C12orf56: variants seen among roughly 807,000 people sequenced by gnomAD.
C12orf56 encodes the protein chromosome 12 open reading frame 56, also known as uncharacterized protein C12orf56.
In C12orf56, 71 loss-of-function variants were observed where a neutral mutation model predicts 69.9. That is an observed-to-expected ratio of 1.02 (90% CI 0.84 to 1.24). C12orf56 has a LOEUF of 1.24. Among genes scored for constraint, C12orf56 ranks in the 50% most tolerant of loss-of-function variants. The pLI is 0.00. For missense variants in C12orf56, 732 were observed against 738.5 expected, an observed-to-expected ratio of 0.99 and a Z score of 0.10; for synonymous variants, 276 against 274.1, an observed-to-expected ratio of 1.01 and a Z score of -0.07.
intron 12 of C12orf56, among the ~76,000 whole-genome samples, chr12:64,269,133 C>T (rs949028855): frequency 1.1e-3 from 43 of 37,896 alleles, no homozygotes; most frequent in African/African-American, 3.8e-3. Flanking sequence ...GAGTGAGACC[C>T]TGTGTCAAAA....
chr12:64,318,768 T>A lies in C12orf56; in HGVS notation c.701A>T (p.Asn234Ile). The A allele has an allele frequency of 6.5e-7, 1 of 1,536,960 alleles. No homozygotes were observed. The highest frequency in any genetic ancestry group is 8.7e-7 in the Non-Finnish European group (1 of 1,146,850). Residue 234 changes from asparagine (N) to isoleucine (I), a missense_variant, in exon 4 of 13, where the codon AAC (asparagine) becomes ATC (isoleucine). Physicochemically the swap from Asn to Ile is moderately radical, Grantham distance 149. Coordinates refer to ENST00000543942, the MANE Select transcript of C12orf56 (RefSeq NM_001170633.2). ...CTTGAAAGGAATTTCACTTATGGAG[T>A]TGTGATCTGGAAGTCCCTGGGGTTC... ...TKEPQGLPDH[N>I]SISEIPFKCN... is the part of the protein sequence containing the mutation.
intron 10 of C12orf56, 118 bp downstream of exon 10, chr12:64,275,180 T>C (rs1592410260): frequency 2.8e-6 from 2 of 703,742 alleles, no homozygotes; most frequent in Admixed American, 3.3e-5. Context: ...ACAAGCATTT[T>C]TGATATATTA....
At chr12:64,346,915 A>G (rs1454727483) in intron 2 of C12orf56, among the ~76,000 whole-genome samples, 1 of 152,190 alleles carries the variant, frequency 6.6e-6, no homozygotes, top group Non-Finnish European at 1.5e-5. Flanking sequence ...GGTCTGAAAA[A>G]GAAAATATCT....
chr12:64,321,290 A>G (rs1371582853), intron 3 of C12orf56, among the ~76,000 whole-genome samples: 3 of 152,026 alleles, frequency 2.0e-5, no homozygotes, highest in Admixed American at 2.0e-4. Context: ...ATCCTTTTAC[A>G]TTAAGTTATC....
chr12:64,347,717 A>G (rs11175349), intron 2 of C12orf56, among the ~76,000 whole-genome samples: 61,948 of 151,998 alleles, frequency 0.41, 13,218 homozygotes, highest in Non-Finnish European at 0.48. Flanking sequence ...AGGAAGGATA[A>G]GCACTTGGAT....
At chr12:64,361,182 G>A (rs1336000743) in intron 1 of C12orf56, among the ~76,000 whole-genome samples, 4 of 152,116 alleles carry the variant, frequency 2.6e-5, no homozygotes, top group African/African-American at 4.8e-5. Flanking sequence ...TTGCGCCACT[G>A]CACTCCAGCC....
chr12:64,372,596 C>A (rs189234899), intron 1 of C12orf56, among the ~76,000 whole-genome samples: 1 of 152,204 alleles, frequency 6.6e-6, no homozygotes. Context: ...CTCACTGCAA[C>A]CACTGCCTCC....
At chr12:64,284,063 A>G (rs111973096) in intron 8 of C12orf56, among the ~76,000 whole-genome samples, 4,840 of 151,892 alleles carry the variant, frequency 0.032, 258 homozygotes, top group African/African-American at 0.11. Context: ...ATGCCTGGCT[A>G]ATTTTTGTGT....
intron 1 of C12orf56, among the ~76,000 whole-genome samples, chr12:64,360,689 A>G (rs2039388433): frequency 6.6e-6 from 1 of 152,232 alleles, no homozygotes. Flanking sequence ...TGTTTCATAT[A>G]ACATTGAATT....
In C12orf56 at chr12:64,331,708, A is replaced by G. The variant is rs559909890; in HGVS notation, c.416-676T>C. On this transcript the variant is annotated intron_variant, in intron 2 of 12. Transcript: ENST00000543942. ...TGCAGCAAGAAGTTGCCATCTCTGA[A>G]GCAGAGGGCAGCCCTCACCAGACAC... Among the ~76,000 whole-genome samples the G allele has an allele frequency of 2.1e-4, 32 of 152,200 alleles. No homozygotes were observed. In the South Asian group the frequency reaches 6.6e-3, roughly 32 times the overall value.
intron 2 of C12orf56, among the ~76,000 whole-genome samples, chr12:64,351,746 C>T (rs964037603): frequency 5.3e-5 from 8 of 151,908 alleles, no homozygotes; most frequent in Admixed American, 1.3e-4. Flanking sequence ...ACTGGGTATT[C>T]GCTAGGAAGA....
At chr12:64,303,505 A>G in intron 6 of C12orf56, 130 bp downstream of exon 6, 1 of 790,122 alleles carries the variant, frequency 1.3e-6, no homozygotes, top group Admixed American at 3.1e-5. Context: ...TGACTACATT[A>G]AATTTTATCA....
intron 4 of C12orf56, among the ~76,000 whole-genome samples, chr12:64,318,333 G>T (rs962257867): frequency 1.3e-5 from 2 of 152,072 alleles, no homozygotes; most frequent in Non-Finnish European, 2.9e-5. Context: ...AAAGTGCTGG[G>T]ATTACAGGAA....
chr12:64,275,042 A>G, intron 10 of C12orf56, 67 bp from the exon 11 acceptor site: 1 of 1,339,040 alleles, frequency 7.5e-7, no homozygotes, highest in Admixed American at 1.8e-5. Flanking sequence ...AAGGATACTC[A>G]TTCTTAAATA....
chr12:64,315,666 T>G (rs2038682773), intron 4 of C12orf56, among the ~76,000 whole-genome samples: 1 of 152,154 alleles, frequency 6.6e-6, no homozygotes, highest in African/African-American at 2.4e-5. Flanking sequence ...GCACAGTGGC[T>G]CACCCCTGTA....
intron 12 of C12orf56, among the ~76,000 whole-genome samples, chr12:64,267,973 T>C (rs1443406315): frequency 1.3e-5 from 2 of 152,210 alleles, no homozygotes; most frequent in Non-Finnish European, 2.9e-5. Flanking sequence ...ATCTGCATTA[T>C]ACTTAATGGT....
At position 64,328,706 on chromosome 12, in the gene C12orf56, A is replaced by T. The variant is rs7488098; in HGVS notation, c.488+2254T>A. On this transcript the variant is annotated intron_variant, in intron 3 of 12. Coordinates refer to ENST00000543942, the MANE Select transcript of C12orf56 (RefSeq NM_001170633.2). ...AAAAAAAAAAAAAAAAAAAAAAAAA[A>T]ATATATATATATATATATATATATA... 4.0e-3 allele frequency among the ~76,000 whole-genome samples: 60 copies of T among 15,008 alleles called. 1 individual carries two copies. Among genetic ancestry groups the T allele is most frequent in the East Asian group, 0.015 (7 of 466 alleles). 9.8% of individuals were successfully genotyped at this position (15,008 alleles called of 152,430 possible).
intron 2 of C12orf56, among the ~76,000 whole-genome samples, chr12:64,342,999 C>G (rs532230443): frequency 4.7e-4 from 71 of 152,294 alleles, no homozygotes; most frequent in African/African-American, 1.7e-3. Flanking sequence ...GTTCTGGACC[C>G]CACTCAAAAC....
chr12:64,311,814 A>G (rs1222765802), intron 5 of C12orf56, among the ~76,000 whole-genome samples: 3 of 152,202 alleles, frequency 2.0e-5, no homozygotes, highest in African/African-American at 7.2e-5. Flanking sequence ...GGGAGGAATT[A>G]CATGATCAGA....
Sources: gnomAD v4.1 joint callset for allele counts (sites outside exome capture counted in the v4.1 genomes callset) on GRCh38, gnomAD v4.1.1 for gene constraint, MANE v1.5 for transcripts, NCBI Gene and HGNC (gene_info 2026-07-23, HGNC 2026-07-21) for gene names.